The following STPG2 variants were observed in gnomAD, a reference collection of about 807,000 sequenced individuals.
STPG2 encodes the protein sperm-tail PG-rich repeat-containing protein 2.
In STPG2, 56 loss-of-function variants were observed where a neutral mutation model predicts 54.2. The observed-to-expected ratio is 1.03, with a 90% CI of 0.83 to 1.29. The LOEUF is 1.29. Ranked by LOEUF, STPG2 falls within the 50% of genes most tolerant of loss-of-function variation. The probability of loss-of-function intolerance (pLI) is 0.00; values close to 1 mark genes in which losing one functional copy is unlikely to be tolerated. For missense variants in STPG2, 596 were observed against 544.9 expected (o/e 1.09, Z -0.93); for synonymous variants, 200 against 181.8 (o/e 1.10, Z -0.81).
chr4:97,659,758 T>C (rs1239889117), intron 10 of STPG2, among the ~76,000 whole-genome samples: 1 of 152,162 alleles, frequency 6.6e-6, no homozygotes, highest in Non-Finnish European at 1.5e-5. Flanking sequence ...TTTTGTTACA[T>C]AATAAATAGT....
chr4:97,681,022 T>C (rs1276687548), intron 10 of STPG2, among the ~76,000 whole-genome samples: 1 of 152,006 alleles, frequency 6.6e-6, no homozygotes, highest in Non-Finnish European at 1.5e-5. Context: ...TTTGTGATTT[T>C]ATTCCGGCAC....
chr4:97,555,979 C>T (rs1447151472), downstream of STPG2, among the ~76,000 whole-genome samples: 3 of 151,930 alleles, frequency 2.0e-5, no homozygotes, highest in South Asian at 2.1e-4. Context: ...AATGTTTTAC[C>T]ATAACACATA....
At chr4:97,527,575 C>T (rs879206294) in intron 4 of STPG2, among the ~76,000 whole-genome samples, 3 of 152,204 alleles carry the variant, frequency 2.0e-5, no homozygotes, top group Non-Finnish European at 4.4e-5. Context: ...ATCTGCCACA[C>T]TGTCTTCCAC....
chr4:97,969,670 T>C (rs2149255045), intron 7 of STPG2, among the ~76,000 whole-genome samples: 1 of 152,256 alleles, frequency 6.6e-6, no homozygotes, highest in Non-Finnish European at 1.5e-5. Flanking sequence ...CTCAAAATAA[T>C]AAAAGCTATC....
chr4:97,712,139 TG>T (rs1724143312), intron 10 of STPG2, among the ~76,000 whole-genome samples: 3 of 152,180 alleles, frequency 2.0e-5, no homozygotes, highest in Admixed American at 1.3e-4. Flanking sequence ...AGGGTAGGAA[TG>T]GGGAACCTAT....
At chr4:98,111,844 TCTC>T (rs1408700010) in intron 3 of STPG2, among the ~76,000 whole-genome samples, 1 of 152,036 alleles carries the variant, frequency 6.6e-6, no homozygotes, top group African/African-American at 2.4e-5. Flanking sequence ...GTAAATTTGT[TCTC>T]TTTTCTGGAT....
chr4:97,572,387 A>C (rs2148884576), intron 10 of STPG2, among the ~76,000 whole-genome samples: 1 of 152,316 alleles, frequency 6.6e-6, no homozygotes, highest in East Asian at 1.9e-4. Flanking sequence ...TCTTTCAAGT[A>C]ACTTTTTTAC....
intron 9 of STPG2, among the ~76,000 whole-genome samples, chr4:97,723,060 C>T (rs1433853409): frequency 6.6e-6 from 1 of 151,012 alleles, no homozygotes. Flanking sequence ...GATCCGCCAG[C>T]CTCGGCCTCC....
chr4:97,643,513 A>G lies in STPG2; in HGVS notation c.1320+69186T>C, dbSNP rs189629942. ...ATAGAACAATAGTTTTATTTCATTT[A>G]TTCTGCATATATAAGTAATCTCCAA... On this transcript the variant is annotated intron_variant, in intron 10 of 10. Coordinates refer to ENST00000295268, the MANE Select transcript of STPG2 (RefSeq NM_174952.3). Among the ~76,000 whole-genome samples, 627 of 151,784 alleles carry G rather than the reference A, an allele frequency of 4.1e-3. 3 individuals carry two copies. The highest frequency in any genetic ancestry group is 0.02 in the South Asian group (98 of 4,830).
At chr4:97,844,099 C>T (rs1282869665) in intron 8 of STPG2, among the ~76,000 whole-genome samples, 2 of 151,798 alleles carry the variant, frequency 1.3e-5, no homozygotes, top group Non-Finnish European at 2.9e-5. Flanking sequence ...ATGAAACCTC[C>T]TAATTTCATA....
chr4:97,862,398 A>T (rs1015627176), intron 8 of STPG2, among the ~76,000 whole-genome samples: 1 of 152,176 alleles, frequency 6.6e-6, no homozygotes, highest in Admixed American at 6.6e-5. Context: ...AGAACTAACT[A>T]TCTTAAATAT....
At chr4:97,909,031 AAT>A (rs1731570965) in intron 8 of STPG2, among the ~76,000 whole-genome samples, 1 of 148,804 alleles carries the variant, frequency 6.7e-6, no homozygotes, top group Non-Finnish European at 1.5e-5. Context: ...TAATAATAAT[AAT>A]AATAATAATA....
intron 8 of STPG2, among the ~76,000 whole-genome samples, chr4:97,846,649 C>T (rs544402668): frequency 9.9e-5 from 14 of 141,330 alleles, no homozygotes; most frequent in Non-Finnish European, 2.0e-4. Context: ...AAAAAAAACA[C>T]AGGAAGGCAA....
At chr4:98,001,655 GC>G (rs1221493540) in intron 5 of STPG2, among the ~76,000 whole-genome samples, 1 of 152,112 alleles carries the variant, frequency 6.6e-6, no homozygotes, top group Non-Finnish European at 1.5e-5. Flanking sequence ...TCAAATGCCT[GC>G]TAGGACAAGG....
At chr4:97,907,696 C>G (rs950799766) in intron 8 of STPG2, among the ~76,000 whole-genome samples, 1 of 152,044 alleles carries the variant, frequency 6.6e-6, no homozygotes, top group Non-Finnish European at 1.5e-5. Context: ...CAGAACAGAG[C>G]CCTCAGAAAT....
At chr4:98,133,222 C>A (rs6852015) in intron 2 of STPG2, among the ~76,000 whole-genome samples, 59,989 of 151,688 alleles carry the variant, frequency 0.4, 12,099 homozygotes, top group Middle Eastern at 0.46. Context: ...TGACTAATAT[C>A]CAATTAATTT....
At chr4:98,095,936 C>CA (rs1228845441) in intron 5 of STPG2, among the ~76,000 whole-genome samples, 3 of 151,840 alleles carry the variant, frequency 2.0e-5, no homozygotes, top group Non-Finnish European at 2.9e-5. Flanking sequence ...TTTGAAAATT[C>CA]AAAAAAATGA....
rs570042848 is a variant in STPG2 at position 97,493,719 on chromosome 4, C to T, written c.462+218980G>A. Reference sequence around the variant, plus strand: ...TTCCCATGAAAAAGTACATAAGAAACGAGATGTACTAAAGGAGATACTGTT... The same window carrying T: ...TTCCCATGAAAAAGTACATAAGAAATGAGATGTACTAAAGGAGATACTGTT... On this transcript the variant is annotated intron_variant, in intron 4 of 4. Transcript: ENST00000522676. Among the ~76,000 whole-genome samples the T allele has an allele frequency of 2.0e-3, 305 of 151,432 alleles. 3 individuals are homozygous for T. Among genetic ancestry groups the T allele is most frequent in the African/African-American group, 7.1e-3 (294 of 41,400 alleles).
intron 8 of STPG2, among the ~76,000 whole-genome samples, chr4:97,873,760 G>A (rs1730076033): frequency 1.3e-5 from 2 of 151,442 alleles, no homozygotes; most frequent in Non-Finnish European, 3.0e-5. Flanking sequence ...TACCATGTTT[G>A]AATTGAAGAT....
Sources: gnomAD v4.1 joint callset for allele counts (sites outside exome capture counted in the v4.1 genomes callset) on GRCh38, gnomAD v4.1.1 for gene constraint, MANE v1.5 for transcripts, NCBI Gene and HGNC (gene_info 2026-07-23, HGNC 2026-07-21) for gene names.